AHCYL1: variants seen among roughly 807,000 people sequenced by gnomAD.
AHCYL1 encodes adenosylhomocysteinase like 1, also known as S-adenosylhomocysteine hydrolase-like protein 1.
Under a neutral mutation model 79.3 loss-of-function variants are expected in AHCYL1, and 20 were observed. That is an observed-to-expected ratio of 0.25 (90% CI 0.18 to 0.37). The LOEUF (loss-of-function observed/expected upper bound fraction) is 0.37. Ranked by LOEUF, AHCYL1 falls within the 10% of genes least tolerant of loss-of-function variation. AHCYL1 has a pLI of 1.00. For missense variants in AHCYL1, 330 were observed against 673.6 expected, an observed-to-expected ratio of 0.49 and a Z score of 5.65; for synonymous variants, 223 against 242.2, an observed-to-expected ratio of 0.92 and a Z score of 0.74.
intron 1 of AHCYL1, among the ~76,000 whole-genome samples, chr1:110,007,784 C>T (rs1367073487): frequency 6.6e-6 from 1 of 152,188 alleles, no homozygotes; most frequent in East Asian, 1.9e-4. Flanking sequence ...AGTTCACATA[C>T]TCAAACCATC....
chr1:110,017,385 G>A, intron 9 of AHCYL1, 110 bp from the exon 10 acceptor site: 2 of 961,596 alleles, frequency 2.1e-6, no homozygotes, highest in Non-Finnish European at 3.2e-6. Context: ...CTGCTCACCA[G>A]ATGACAGGCT....
Position 110,021,884 on chromosome 1 carries a change from G to A in AHCYL1, c.*204G>A. On this transcript the variant is annotated 3_prime_UTR_variant, in exon 17 of 17. Coordinates refer to ENST00000369799, the MANE Select transcript of AHCYL1 (RefSeq NM_006621.7). ...TCTTTAGATGAAATAGAAGTTCAGG[G>A]TTCCTCACTCTAGTCACTAAAGAAG... 1 of 533,100 alleles carries A rather than the reference G, an allele frequency of 1.9e-6. No individual in the cohort carries two copies. The highest frequency in any genetic ancestry group is 2.9e-5 in the South Asian group (1 of 34,930). The allele number at this position is 533,100 out of a possible 1,614,324, so 33.0% of individuals were successfully genotyped here.
At chr1:110,011,444 A>G in intron 3 of AHCYL1, 87 bp downstream of exon 3, 4 of 1,548,330 alleles carry the variant, frequency 2.6e-6, no homozygotes, top group Non-Finnish European at 3.5e-6. Context: ...TTGAAAGCTG[A>G]CTTGAAAGTG....
intron 1 of AHCYL1, among the ~76,000 whole-genome samples, chr1:109,997,951 C>T (rs1650109797): frequency 6.6e-6 from 1 of 152,192 alleles, no homozygotes; most frequent in Admixed American, 6.5e-5. Flanking sequence ...AAACTCATCT[C>T]ATTAGAGAAC....
chr1:110,006,986 T>G (rs1481054614), intron 1 of AHCYL1, among the ~76,000 whole-genome samples: 1 of 152,158 alleles, frequency 6.6e-6, no homozygotes, highest in Non-Finnish European at 1.5e-5. Flanking sequence ...TGCAACACAG[T>G]CCAGTATTTT....
Position 110,009,092 on chromosome 1 carries a change from G to T in AHCYL1, c.179G>T (p.Arg60Leu). ...EFTKFPTKTG[R>L]RSLSRSISQS... The stretch of plus-strand genomic sequence containing the variant: ...ACCAAATTCCCCACCAAAACTGGCC[G>T]AAGATCTTTGTCTCGCTCGATCTCA... Residue 60 changes from arginine to leucine, a missense_variant, in exon 2 of 17, where the codon CGA (arginine) becomes CTA (leucine). Around this residue, in one of 6 missense-constraint regions of AHCYL1, gnomAD observed 97 missense variants for 176.3 expected, o/e 0.55. Transcript: ENST00000369799. The T allele has an allele frequency of 6.2e-7, 1 of 1,613,964 alleles. No homozygotes were observed. Among genetic ancestry groups the T allele is most frequent in the East Asian group, 2.2e-5 (1 of 44,878 alleles).
At chr1:110,014,907 T>C in intron 6 of AHCYL1, 50 bp downstream of exon 6, 1 of 1,539,004 alleles carries the variant, frequency 6.5e-7, no homozygotes, top group Non-Finnish European at 9.0e-7. Flanking sequence ...TATTTCCTTT[T>C]TTTCCCTCAA....
chr1:109,995,146 A>G (rs776971984), intron 1 of AHCYL1, among the ~76,000 whole-genome samples: 4 of 152,208 alleles, frequency 2.6e-5, no homozygotes, highest in Non-Finnish European at 5.9e-5. Flanking sequence ...AAGCATGTTT[A>G]CAAATCATAA....
intron 5 of AHCYL1, 33 bp from the exon 6 acceptor site, chr1:110,014,730 G>A: frequency 6.5e-7 from 1 of 1,544,514 alleles, no homozygotes; most frequent in Non-Finnish European, 9.0e-7. Flanking sequence ...CTCCTCAAAG[G>A]AGGAATCAGC....
chr1:109,990,385 A>G (rs1176453451), intron 1 of AHCYL1, among the ~76,000 whole-genome samples: 5 of 152,148 alleles, frequency 3.3e-5, no homozygotes, highest in East Asian at 1.9e-4. Context: ...GCCTGGCGCA[A>G]TTCTGGTTTA....
chr1:110,021,253 AC>A (rs1286583964), intron 16 of AHCYL1, among the ~76,000 whole-genome samples: 3 of 151,872 alleles, frequency 2.0e-5, no homozygotes, highest in African/African-American at 7.3e-5. Context: ...AAACAAACAA[AC>A]AAACAAAAAA....
chr1:109,996,646 A>T (rs1470162677), intron 1 of AHCYL1, among the ~76,000 whole-genome samples: 1 of 152,240 alleles, frequency 6.6e-6, no homozygotes, highest in Non-Finnish European at 1.5e-5. Context: ...GTTGTTGTGC[A>T]AACGTCAGAG....
intron 1 of AHCYL1, among the ~76,000 whole-genome samples, chr1:109,987,266 T>C (rs1649515844): frequency 1.3e-5 from 2 of 152,228 alleles, no homozygotes. Flanking sequence ...TCAGAACTGC[T>C]GAATTGAACA....
chr1:110,007,810 GTGAAGTTTATTTTATTT>G (rs2101721032), intron 1 of AHCYL1, among the ~76,000 whole-genome samples: 1 of 152,298 alleles, frequency 6.6e-6, no homozygotes, highest in East Asian at 1.9e-4. Context: ...TATTTCAGGG[GTGAAGTTTATTTTATTT>G]TGAAGAAAGG....
intron 14 of AHCYL1, 99 bp downstream of exon 14, chr1:110,019,218 T>G: frequency 8.3e-7 from 1 of 1,205,524 alleles, no homozygotes; most frequent in South Asian, 1.3e-5. Flanking sequence ...CTCATCATCC[T>G]ATTCTTTTTT....
Position 109,984,930 on chromosome 1 carries a change from G to T in AHCYL1, c.-123G>T. 1 of 1,318,364 alleles carries T rather than the reference G, an allele frequency of 7.6e-7. No individual in the cohort carries two copies. 81.7% of individuals were successfully genotyped at this position (1,318,364 alleles called of 1,614,324 possible). A position where few individuals can be genotyped will look rare whatever the true frequency, so the allele number is the denominator to read the frequency against. ...ACCTCAGAAGCCGACGCAGCTCGAC[G>T]CAGGGGCCGGCAGGAGGGTGGGCGA... On this transcript the variant is annotated 5_prime_UTR_variant, in exon 1 of 17. Transcript: ENST00000369799.
chr1:110,023,330 A>AC lies in AHCYL1; in HGVS notation c.*1652dup, dbSNP rs1391724882. ...TCCCTTCTTACTCCTTGCCAGTGTGACCATGCTTTCTTCTCTGTAGATGTT... is the reference window on the plus strand; with the variant it reads ...TCCCTTCTTACTCCTTGCCAGTGTGACCCATGCTTTCTTCTCTGTAGATGTT... On this transcript the variant is annotated 3_prime_UTR_variant, in exon 17 of 17. Transcript: ENST00000369799. The AC allele has an allele frequency of 2.0e-5, 3 of 152,726 alleles. No individual in the cohort carries two copies. Among genetic ancestry groups the AC allele is most frequent in the African/African-American group, 7.2e-5 (3 of 41,552 alleles). 9.5% of individuals were successfully genotyped at this position (152,726 alleles called of 1,614,324 possible).
chr1:110,018,225 T>C, intron 11 of AHCYL1, 148 bp from the exon 12 acceptor site: 1 of 889,248 alleles, frequency 1.1e-6, no homozygotes. Context: ...CCAGATAGCC[T>C]AAGGAGCGGT....
intron 1 of AHCYL1, among the ~76,000 whole-genome samples, chr1:109,991,012 A>G (rs916701088): frequency 6.6e-5 from 10 of 151,352 alleles, no homozygotes; most frequent in Non-Finnish European, 1.5e-4. Context: ...TCTCCTGTAG[A>G]AATGTGTGGC....
Sources: gnomAD v4.1 joint callset for allele counts (sites outside exome capture counted in the v4.1 genomes callset) on GRCh38, gnomAD v4.1.1 for gene constraint, gnomAD v4.1.1 regional missense constraint, MANE v1.5 for transcripts, NCBI Gene and HGNC (gene_info 2026-07-23, HGNC 2026-07-21) for gene names.